Variants in CDH13 observed in about 807,000 individuals in gnomAD.
The protein encoded by CDH13 is cadherin 13.
Under a neutral mutation model 63.8 loss-of-function variants are expected in CDH13, and 24 were observed. The ratio of observed to expected loss-of-function variants is 0.38; its 90% CI spans 0.27 to 0.53. The LOEUF is 0.53. Ranked by LOEUF, CDH13 falls within the 20% of genes least tolerant of loss-of-function variation. CDH13 has a pLI of 0.85. For synonymous variants in CDH13, 503 were observed against 355.3 expected, an observed-to-expected ratio of 1.42 and a Z score of -4.67; for missense variants, 1,049 against 903.1, an observed-to-expected ratio of 1.16 and a Z score of -2.07.
chr16:83,406,043 A>C (rs865968702), intron 6 of CDH13, among the ~76,000 whole-genome samples: 4 of 152,182 alleles, frequency 2.6e-5, no homozygotes, highest in Non-Finnish European at 5.9e-5. Context: ...CCGCTTTTCC[A>C]GGACCAAGAA....
At chr16:82,654,529 T>G (rs1911081396) in intron 1 of CDH13, among the ~76,000 whole-genome samples, 1 of 152,226 alleles carries the variant, frequency 6.6e-6, no homozygotes, top group Non-Finnish European at 1.5e-5. Context: ...TTAAACCTAA[T>G]AATGGCTTCC....
chr16:83,523,414 T>G (rs2074885484), intron 7 of CDH13, among the ~76,000 whole-genome samples: 1 of 152,178 alleles, frequency 6.6e-6, no homozygotes, highest in Admixed American at 6.5e-5. Flanking sequence ...TTTTTTAGAT[T>G]TTTTAAGCCC....
chr16:82,859,550 T>A (rs1358127878), intron 2 of CDH13: 1 of 151,388 alleles, frequency 6.6e-6, no homozygotes, highest in African/African-American at 2.4e-5. Context: ...AGAGCGAGAC[T>A]GTGTCTCAAA....
At chr16:83,570,101 G>A (rs560851566) in intron 7 of CDH13, among the ~76,000 whole-genome samples, 2 of 152,120 alleles carry the variant, frequency 1.3e-5, no homozygotes, top group Non-Finnish European at 2.9e-5. Flanking sequence ...CTGGTCCTGT[G>A]TAGCCCCTGT....
intron 4 of CDH13, among the ~76,000 whole-genome samples, chr16:83,175,525 C>G: frequency 6.6e-6 from 1 of 152,066 alleles, no homozygotes; most frequent in East Asian, 1.9e-4. Flanking sequence ...GCACCACTGA[C>G]TGAATCAGAG....
intron 4 of CDH13, chr16:83,180,977 G>T: frequency 1.3e-6 from 2 of 1,531,064 alleles, no homozygotes; most frequent in South Asian, 1.2e-5. Context: ...CCTATTTGGC[G>T]ACATTATTGC....
At chr16:83,615,143 T>G (rs1407226985) in intron 8 of CDH13, among the ~76,000 whole-genome samples, 1 of 152,156 alleles carries the variant, frequency 6.6e-6, no homozygotes, top group Non-Finnish European at 1.5e-5. Flanking sequence ...AGTAAATATA[T>G]TTATCCAGTC....
At chr16:83,102,930 C>CTTTTTTTTTTTTTTTTTTTTTT (rs71148812) in intron 3 of CDH13, among the ~76,000 whole-genome samples, 12 of 96,926 alleles carry the variant, frequency 1.2e-4, no homozygotes, top group Non-Finnish European at 1.7e-4. Flanking sequence ...TTTTCTTTTT[C>CTTTTTTTTTTTTTTTTTTTTTT]TTTTTTTTTT....
At chr16:83,251,768 A>G (rs1456039446) in intron 5 of CDH13, among the ~76,000 whole-genome samples, 1 of 152,190 alleles carries the variant, frequency 6.6e-6, no homozygotes, top group Non-Finnish European at 1.5e-5. Flanking sequence ...GATGGCAGGC[A>G]GGGGCTTTGT....
chr16:83,488,759 G>T lies in CDH13; in HGVS notation c.960+2104G>T, dbSNP rs186998074. 6.7e-4 allele frequency among the ~76,000 whole-genome samples: 102 copies of T among 152,154 alleles called. 1 individual carries two copies. The highest frequency in any genetic ancestry group is 5.4e-3 in the East Asian group (28 of 5,176). ...CCTGTCTCAGCCTCCTGAGTAGCTGGGAATACAGGCGCCTGCCACCACACC... is the reference window on the plus strand; with the variant it reads ...CCTGTCTCAGCCTCCTGAGTAGCTGTGAATACAGGCGCCTGCCACCACACC... On this transcript the variant is annotated intron_variant, in intron 7 of 13. Transcript: ENST00000567109.
intron 5 of CDH13, among the ~76,000 whole-genome samples, chr16:83,319,090 G>A (rs930527429): frequency 1.3e-5 from 2 of 151,856 alleles, no homozygotes; most frequent in Non-Finnish European, 2.9e-5. Context: ...TTAGGCATGG[G>A]TTGAAGGATG....
chr16:83,579,023 T>C (rs149412090), intron 7 of CDH13, among the ~76,000 whole-genome samples: 12 of 152,374 alleles, frequency 7.9e-5, no homozygotes, highest in African/African-American at 2.9e-4. Flanking sequence ...TTTCCTCTTA[T>C]TTAATCCTTC....
At chr16:82,850,328 A>G (rs1276793910) in intron 1 of CDH13, among the ~76,000 whole-genome samples, 1 of 152,248 alleles carries the variant, frequency 6.6e-6, no homozygotes, top group Non-Finnish European at 1.5e-5. Context: ...GGAGGAAGGA[A>G]GTGCAGAAGT....
intron 2 of CDH13, among the ~76,000 whole-genome samples, chr16:82,987,793 G>A (rs1245188613): frequency 6.6e-6 from 1 of 152,238 alleles, no homozygotes; most frequent in Admixed American, 6.5e-5. Flanking sequence ...GCAAGGGTCT[G>A]TGGGTTTTGC....
chr16:83,551,705 C>T (rs2075502719), intron 7 of CDH13, among the ~76,000 whole-genome samples: 1 of 152,108 alleles, frequency 6.6e-6, no homozygotes, highest in South Asian at 2.1e-4. Flanking sequence ...CTTGTCCTCC[C>T]TTGGAGAAAT....
At chr16:83,649,124 T>C (rs1213657949) in intron 8 of CDH13, among the ~76,000 whole-genome samples, 1 of 152,212 alleles carries the variant, frequency 6.6e-6, no homozygotes, top group Non-Finnish European at 1.5e-5. Flanking sequence ...TCGCCCCCCA[T>C]TCCCCTCAGG....
intron 2 of CDH13, among the ~76,000 whole-genome samples, chr16:83,001,934 G>T (rs993957414): frequency 6.6e-6 from 1 of 152,132 alleles, no homozygotes; most frequent in Non-Finnish European, 1.5e-5. Flanking sequence ...TCATATCATA[G>T]AAAAGGGAAG....
intron 1 of CDH13, among the ~76,000 whole-genome samples, chr16:82,689,606 G>T (rs1207796319): frequency 6.6e-6 from 1 of 152,150 alleles, no homozygotes; most frequent in Non-Finnish European, 1.5e-5. Flanking sequence ...GGATGTTGCT[G>T]CAAATGGCAA....
At chr16:83,525,634 G>T (rs2074943266) in intron 7 of CDH13, among the ~76,000 whole-genome samples, 1 of 152,146 alleles carries the variant, frequency 6.6e-6, no homozygotes, top group South Asian at 2.1e-4. Context: ...CCCTCCCAAA[G>T]GTGTCCATGC....
Sources: allele counts gnomAD v4.1 joint callset (sites outside exome capture counted in the v4.1 genomes callset), GRCh38; gene constraint gnomAD v4.1.1; transcripts MANE v1.5; gene names NCBI Gene and HGNC (gene_info 2026-07-23, HGNC 2026-07-21).